The following DNM1L variants were observed in gnomAD, a reference collection of about 807,000 sequenced individuals.
The protein encoded by DNM1L is dynamin-1-like protein.
Under a neutral mutation model 92.8 loss-of-function variants are expected in DNM1L, and 33 were observed. The observed-to-expected ratio is 0.36, with a 90% CI of 0.27 to 0.48. DNM1L has a LOEUF of 0.48. Ranked by LOEUF, DNM1L falls within the 20% of genes least tolerant of loss-of-function variation. The probability of loss-of-function intolerance (pLI) is 0.99; values close to 1 mark genes in which losing one functional copy is unlikely to be tolerated. For missense variants in DNM1L, 485 were observed against 888.8 expected, an observed-to-expected ratio of 0.55 and a Z score of 5.78; for synonymous variants, 284 against 305.0, an observed-to-expected ratio of 0.93 and a Z score of 0.72.
chr12:32,681,624 G>T lies in DNM1L; in HGVS notation c.102+2159G>T, dbSNP rs1341347704. ...CCCCCGCCCCCGCCTTTTTTGTAGT[G>T]TGTTGGGGAAACAAGAATCTCTTCT... On this transcript the variant is annotated intron_variant, in intron 1 of 19. Coordinates refer to ENST00000549701, the MANE Select transcript of DNM1L (RefSeq NM_012062.5). 2.3e-5 allele frequency among the ~76,000 whole-genome samples: 3 copies of T among 130,394 alleles called. No homozygotes were observed. The Admixed American group carries it at 2.9e-4, about 13-fold the overall frequency. The allele number at this position is 130,394 out of a possible 152,430, so 85.5% of individuals were successfully genotyped here.
At chr12:32,737,258 C>T in intron 14 of DNM1L, 97 bp downstream of exon 14, 1 of 1,319,734 alleles carries the variant, frequency 7.6e-7, no homozygotes, top group Non-Finnish European at 1.1e-6. Context: ...TTCTTCTTTT[C>T]CTCCCTTTAA....
intron 1 of DNM1L, among the ~76,000 whole-genome samples, chr12:32,697,734 T>A (rs554960373): frequency 6.6e-6 from 1 of 151,918 alleles, no homozygotes; most frequent in Admixed American, 6.6e-5. Context: ...CTCAAGGAGC[T>A]TTTTTAAAGA....
chr12:32,744,713 CA>C lies in DNM1L; in HGVS notation c.*1315del, dbSNP rs370524523. On this transcript the variant is annotated 3_prime_UTR_variant, in exon 20 of 20. Coordinates refer to ENST00000549701, the MANE Select transcript of DNM1L (RefSeq NM_012062.5). Reference sequence around the variant, plus strand: ...TGGCAACAAGAGCGAAACTCCGTCTCAAAAAAAAAAAATAAAACAACACCCA... The same window carrying C: ...TGGCAACAAGAGCGAAACTCCGTCTCAAAAAAAAAAATAAAACAACACCCA... 13,550 of 289,838 alleles carry C rather than the reference CA, an allele frequency of 0.047. No individual in the cohort carries two copies. The highest frequency in any genetic ancestry group is 0.083 in the South Asian group (2,749 of 33,120). 18.0% of individuals were successfully genotyped at this position (289,838 alleles called of 1,614,324 possible). A position where few individuals can be genotyped will look rare whatever the true frequency, so the allele number is the denominator to read the frequency against.
At position 32,708,108 on chromosome 12, in the gene DNM1L, G is replaced by T; in HGVS notation, c.298-45G>T. On this transcript the variant is annotated intron_variant, in intron 3 of 19. Coordinates refer to ENST00000549701, the MANE Select transcript of DNM1L (RefSeq NM_012062.5). ...CTCCCCCTCCAGCTTAAGAACTTTT[G>T]ATCTTATTTTGAATATTATGCTTTT... 4 of 1,196,262 alleles carry T rather than the reference G, an allele frequency of 3.3e-6. No individual in the cohort carries two copies. In the South Asian group the frequency reaches 5.0e-5, roughly 15 times the overall value. The allele number at this position is 1,196,262 out of a possible 1,614,324, so 74.1% of individuals were successfully genotyped here.
chr12:32,734,488 T>C (rs142074548), intron 13 of DNM1L, among the ~76,000 whole-genome samples: 206 of 152,306 alleles, frequency 1.4e-3, no homozygotes, highest in Non-Finnish European at 1.8e-3. Flanking sequence ...AGGGATCCTG[T>C]GTTATTGACT....
chr12:32,680,618 C>T (rs183293894), intron 1 of DNM1L, among the ~76,000 whole-genome samples: 1 of 152,300 alleles, frequency 6.6e-6, no homozygotes, highest in African/African-American at 2.4e-5. Context: ...AAAGATTCTG[C>T]TCAATCTTGC....
intron 1 of DNM1L, among the ~76,000 whole-genome samples, chr12:32,681,317 G>A (rs1019388692): frequency 2.6e-5 from 4 of 152,148 alleles, no homozygotes; most frequent in Non-Finnish European, 5.9e-5. Context: ...GAAATTATCC[G>A]AGGTAGGCAG....
chr12:32,702,860 C>A (rs545052894), intron 2 of DNM1L, among the ~76,000 whole-genome samples: 1 of 152,152 alleles, frequency 6.6e-6, no homozygotes, highest in Non-Finnish European at 1.5e-5. Flanking sequence ...GTATGTTATT[C>A]ATCACTTTGC....
chr12:32,711,071 C>A, intron 5 of DNM1L, 56 bp downstream of exon 5: 1 of 1,412,986 alleles, frequency 7.1e-7, no homozygotes, highest in Non-Finnish European at 1.0e-6. Flanking sequence ...GTTGACATCC[C>A]ATATGAGAAT....
chr12:32,702,082 A>C (rs1952726629), intron 2 of DNM1L, among the ~76,000 whole-genome samples: 1 of 151,594 alleles, frequency 6.6e-6, no homozygotes, highest in Non-Finnish European at 1.5e-5. Flanking sequence ...AAAAATACAA[A>C]AATTAGCCAG....
intron 6 of DNM1L, among the ~76,000 whole-genome samples, chr12:32,714,270 A>ATTT (rs764641583): frequency 2.2e-5 from 3 of 134,612 alleles, no homozygotes; most frequent in Admixed American, 1.5e-4. Flanking sequence ...CACTTTAACA[A>ATTT]TTTTTTTTTT....
intron 6 of DNM1L, among the ~76,000 whole-genome samples, chr12:32,714,122 T>TC (rs1161364247): frequency 6.6e-6 from 1 of 152,194 alleles, no homozygotes; most frequent in East Asian, 1.9e-4. Context: ...ACCATTTTTT[T>TC]CACCTTACTA....
At chr12:32,682,361 A>G (rs1951842482) in intron 1 of DNM1L, among the ~76,000 whole-genome samples, 1 of 151,926 alleles carries the variant, frequency 6.6e-6, no homozygotes, top group Non-Finnish European at 1.5e-5. Context: ...CCAACTCCCG[A>G]CCTCAGGTGA....
At chr12:32,717,872 ATAC>A (rs1953565118) in intron 6 of DNM1L, among the ~76,000 whole-genome samples, 1 of 113,812 alleles carries the variant, frequency 8.8e-6, no homozygotes, top group Admixed American at 1.2e-4. Context: ...TATATAGTAT[ATAC>A]TATATATATT....
In DNM1L at chr12:32,711,027, A is replaced by G. The variant is rs767690453; in HGVS notation, c.456+12A>G. ...CAGGAATGACCAAGGTAAGGAAGGAATAGTTGTAGATTTGGTCAGGTTGTT... is the reference window on the plus strand; with the variant it reads ...CAGGAATGACCAAGGTAAGGAAGGAGTAGTTGTAGATTTGGTCAGGTTGTT... On this transcript the variant is annotated intron_variant, in intron 5 of 19. Transcript: ENST00000549701. 8 of 1,611,150 alleles carry G rather than the reference A, an allele frequency of 5.0e-6. No individual in the cohort carries two copies. The highest frequency in any genetic ancestry group is 1.7e-5 in the Admixed American group (1 of 60,000).
chr12:32,711,280 C>G, intron 5 of DNM1L: 2 of 400,556 alleles, frequency 5.0e-6, no homozygotes, highest in South Asian at 5.6e-5. Context: ...ACAGTAAGTG[C>G]CCCAGAGCTC....
intron 9 of DNM1L, among the ~76,000 whole-genome samples, chr12:32,725,039 T>C (rs1235999106): frequency 6.6e-6 from 1 of 151,834 alleles, no homozygotes; most frequent in African/African-American, 2.4e-5. Flanking sequence ...AAATGAACTT[T>C]AATTTTTTTT....
chr12:32,718,748 T>A lies in DNM1L; in HGVS notation c.725T>A (p.Ile242Asn). The change falls in exon 7 of 20, where the codon ATT becomes AAT. Residue 242 changes from isoleucine to asparagine, a missense_variant. Around this residue, in one of 11 missense-constraint regions of DNM1L, gnomAD observed 159 missense variants for 275.9 expected, o/e 0.58. Coordinates refer to ENST00000549701, the MANE Select transcript of DNM1L (RefSeq NM_012062.5). ...GTTATTCCAGTCAAACTTGGAATAA[T>A]TGGAGTAGTTAACAGGTTAGCAGTT... is the stretch of plus-strand genomic sequence containing the variant. ...GRVIPVKLGI[I>N]GVVNRSQLDI... The A allele has an allele frequency of 6.2e-7, 1 of 1,613,822 alleles. No individual in the cohort carries two copies.
At chr12:32,684,970 C>T (rs1306303367) in intron 1 of DNM1L, among the ~76,000 whole-genome samples, 2 of 146,898 alleles carry the variant, frequency 1.4e-5, no homozygotes, top group African/African-American at 2.5e-5. Flanking sequence ...GATGGAGTCT[C>T]GCTCTGTCAC....
Sources: allele counts gnomAD v4.1 joint callset (sites outside exome capture counted in the v4.1 genomes callset), GRCh38; gene constraint gnomAD v4.1.1; regional missense constraint gnomAD v4.1.1; transcripts MANE v1.5; gene names NCBI Gene and HGNC (gene_info 2026-07-23, HGNC 2026-07-21).